Variants in DCDC2C observed in about 807,000 individuals in gnomAD.
DCDC2C encodes doublecortin domain-containing protein 2C.
DCDC2C carries 44 observed loss-of-function variants against 45.0 expected under a neutral mutation model. The observed-to-expected ratio is 0.98, with a 90% CI of 0.77 to 1.26. DCDC2C has a LOEUF of 1.26. DCDC2C is among the 50% of genes most tolerant of loss of function. The probability of loss-of-function intolerance (pLI) is 0.00; values close to 1 mark genes in which losing one functional copy is unlikely to be tolerated. For missense variants in DCDC2C, 447 were observed against 468.9 expected, an observed-to-expected ratio of 0.95 and a Z score of 0.43; for synonymous variants, 187 against 178.8, an observed-to-expected ratio of 1.05 and a Z score of -0.37.
chr2:3,770,501 A>G (rs913109952), intron 8 of DCDC2C, among the ~76,000 whole-genome samples: 1 of 152,170 alleles, frequency 6.6e-6, no homozygotes, highest in African/African-American at 2.4e-5. Flanking sequence ...CTAAATTTCT[A>G]GTAATATTAT....
intron 4 of DCDC2C, among the ~76,000 whole-genome samples, chr2:3,743,380 GC>G (rs952650090): frequency 6.6e-6 from 1 of 152,178 alleles, no homozygotes; most frequent in African/African-American, 2.4e-5. Context: ...GAAACCGTGG[GC>G]TTGAATAACA....
chr2:3,837,621 G>GATACAGTAAC (rs1356938471), intron 10 of DCDC2C, among the ~76,000 whole-genome samples: 1 of 103,140 alleles, frequency 9.7e-6, no homozygotes. Context: ...AGAAACTGAG[G>GATACAGTAAC]AAGAAATCAG....
chr2:3,739,538 G>A (rs1279888179), intron 3 of DCDC2C, among the ~76,000 whole-genome samples: 2 of 152,382 alleles, frequency 1.3e-5, no homozygotes, highest in South Asian at 2.1e-4. Context: ...AACAGGCACC[G>A]GCACACCGGC....
chr2:3,774,293 G>A (rs1203925545), intron 8 of DCDC2C, among the ~76,000 whole-genome samples: 1 of 152,236 alleles, frequency 6.6e-6, no homozygotes. Context: ...GGATGTTTTG[G>A]CTGTAAGGAA....
intron 10 of DCDC2C, among the ~76,000 whole-genome samples, chr2:3,829,911 T>G (rs1387320713): frequency 1.3e-5 from 2 of 152,208 alleles, no homozygotes; most frequent in Non-Finnish European, 2.9e-5. Flanking sequence ...AATGTGAAAT[T>G]AAGTCAGTGT....
intron 10 of DCDC2C, among the ~76,000 whole-genome samples, chr2:3,800,505 C>A (rs1055192188): frequency 6.6e-6 from 1 of 152,174 alleles, no homozygotes; most frequent in South Asian, 2.1e-4. Flanking sequence ...TGCCAGCCCC[C>A]CAAGAATTAG....
chr2:3,741,587 G>A (rs1443064389), intron 3 of DCDC2C, among the ~76,000 whole-genome samples: 1 of 152,146 alleles, frequency 6.6e-6, no homozygotes, highest in Non-Finnish European at 1.5e-5. Context: ...AGGGGGACAA[G>A]AGAACTTTTC....
chr2:3,727,871 G>A (rs1668741907), intron 3 of DCDC2C, among the ~76,000 whole-genome samples: 1 of 152,208 alleles, frequency 6.6e-6, no homozygotes, highest in Non-Finnish European at 1.5e-5. Flanking sequence ...GTTAGCTTCA[G>A]GAATGTTTGC....
intron 10 of DCDC2C, among the ~76,000 whole-genome samples, chr2:3,832,189 C>T (rs1254827899): frequency 6.6e-6 from 1 of 152,196 alleles, no homozygotes; most frequent in Non-Finnish European, 1.5e-5. Flanking sequence ...GTATTCTTGT[C>T]TGTTTTCACC....
intron 3 of DCDC2C, among the ~76,000 whole-genome samples, chr2:3,737,186 G>T (rs2148097642): frequency 6.6e-6 from 1 of 152,272 alleles, no homozygotes; most frequent in South Asian, 2.1e-4. Context: ...ACAGTTCAGT[G>T]GGGGAATGAG....
intron 5 of DCDC2C, among the ~76,000 whole-genome samples, chr2:3,753,920 A>T (rs955798901): frequency 1.3e-5 from 2 of 152,098 alleles, no homozygotes; most frequent in Admixed American, 1.3e-4. Context: ...ACACATGGAT[A>T]TTTCTTGATT....
intron 10 of DCDC2C, among the ~76,000 whole-genome samples, chr2:3,803,894 A>T (rs543669777): frequency 2.8e-4 from 43 of 152,320 alleles, no homozygotes; most frequent in Non-Finnish European, 5.9e-4. Context: ...CCTTGCATGC[A>T]GGTGACTCTT....
At chr2:3,802,411 G>T (rs146069567) in intron 10 of DCDC2C, among the ~76,000 whole-genome samples, 10 of 152,328 alleles carry the variant, frequency 6.6e-5, no homozygotes, top group African/African-American at 2.2e-4. Flanking sequence ...TTCAGCCCTG[G>T]AGGTAAACAA....
chr2:3,746,874 G>T (rs1489405269), intron 4 of DCDC2C, among the ~76,000 whole-genome samples: 1 of 152,182 alleles, frequency 6.6e-6, no homozygotes, highest in Non-Finnish European at 1.5e-5. Context: ...TGGCGGATCT[G>T]TCCTGGGTTC....
rs1572626083 is a variant in DCDC2C at position 3,797,967 on chromosome 2, G to C, written c.1065+12867G>C. On this transcript the variant is annotated intron_variant, in intron 10 of 10. Coordinates refer to ENST00000399143, the MANE Select transcript of DCDC2C (RefSeq NM_001287444.2). The stretch of plus-strand genomic sequence containing the variant: ...ATTGATCTGTCTAATGTTGACAGTG[G>C]GGTGTTAAAGTCTCCCATTATTAAT... Among the ~76,000 whole-genome samples the C allele has an allele frequency of 2.0e-5, 3 of 151,484 alleles. No homozygotes were observed. The East Asian group carries it at 5.9e-4, about 30-fold the overall frequency.
chr2:3,792,745 G>T (rs1253628602), intron 10 of DCDC2C, among the ~76,000 whole-genome samples: 1 of 152,162 alleles, frequency 6.6e-6, no homozygotes, highest in Non-Finnish European at 1.5e-5. Flanking sequence ...TTATTACTTG[G>T]TTACCCTAAA....
chr2:3,747,313 C>T (rs779171656), intron 4 of DCDC2C, among the ~76,000 whole-genome samples: 9 of 152,154 alleles, frequency 5.9e-5, no homozygotes, highest in South Asian at 2.1e-4. Flanking sequence ...AGCGGGTGTT[C>T]GGAACATCAG....
intron 10 of DCDC2C, among the ~76,000 whole-genome samples, chr2:3,786,361 TGTGCACGGAGCCTCCGGTGC>T (rs1670652402): frequency 7.0e-6 from 1 of 142,742 alleles, no homozygotes; most frequent in African/African-American, 2.6e-5. Flanking sequence ...GTGTCCCGCC[TGTGCACGGAGCCTCCGGTGC>T]GGGTGTGTCC....
chr2:3,716,439 A>G (rs1668352931), intron 2 of DCDC2C, among the ~76,000 whole-genome samples: 1 of 152,184 alleles, frequency 6.6e-6, no homozygotes, highest in Non-Finnish European at 1.5e-5. Flanking sequence ...GAAAAGGAAG[A>G]TGAAGACTGA....
Sources: allele counts gnomAD v4.1 joint callset (sites outside exome capture counted in the v4.1 genomes callset), GRCh38; gene constraint gnomAD v4.1.1; transcripts MANE v1.5; gene names NCBI Gene and HGNC (gene_info 2026-07-23, HGNC 2026-07-21).